The following CENPU variants were observed in gnomAD, a reference collection of about 807,000 sequenced individuals.
CENPU encodes centromere protein U.
A neutral mutation model predicts 56.7 loss-of-function variants in CENPU; 46 were observed. The ratio of observed to expected loss-of-function variants is 0.81; its 90% confidence interval spans 0.64 to 1.04. The LOEUF (loss-of-function observed/expected upper bound fraction) is 1.04. Ranked by LOEUF, CENPU falls within the 50% of genes least tolerant of loss-of-function variation. The probability of loss-of-function intolerance (pLI) is 0.00; values close to 1 mark genes in which losing one functional copy is unlikely to be tolerated. For synonymous variants in CENPU, 166 were observed against 163.0 expected, an observed-to-expected ratio of 1.02 and a Z score of -0.14; for missense variants, 510 against 490.1, an observed-to-expected ratio of 1.04 and a Z score of -0.38.
At chr4:184,733,881 G>A (rs1227512275) in intron 1 of CENPU, 135 bp downstream of exon 1, 1 of 1,172,168 alleles carries the variant, frequency 8.5e-7, no homozygotes, top group African/African-American at 1.5e-5. Context: ...GGAAGCCGGG[G>A]ACCCGGGCGA....
rs564754625 is a variant in CENPU, at chr4:184,702,755, A to G, written c.798-314T>C. Among the ~76,000 whole-genome samples the G allele has an allele frequency of 7.9e-5, 12 of 152,166 alleles. 1 individual carries two copies. The South Asian group carries it at 2.5e-3, about 32-fold the overall frequency. On this transcript the variant is annotated intron_variant, in intron 8 of 12. Coordinates refer to ENST00000281453, the MANE Select transcript of CENPU (RefSeq NM_024629.4). ...TTCCCTCTAGGAGTCCCCAGTGTCT[A>G]TTGTTGCCATCTTTATGTCCATGTG...
chr4:184,697,538 T>C, intron 12 of CENPU, 109 bp downstream of exon 12: 2 of 981,028 alleles, frequency 2.0e-6, no homozygotes, highest in Admixed American at 5.3e-5. Flanking sequence ...GTGGACTCTG[T>C]AATTCTGTAT....
At position 184,724,904 on chromosome 4, in the gene CENPU, T is replaced by C. The variant is rs1761402295; in HGVS notation, c.320+53A>G. On this transcript the variant is annotated intron_variant, in intron 4 of 12. Transcript: ENST00000281453. ...TTATTAGCTTCTATCTTAAAGAGTT[T>C]CTCAGAAATCCCATTAACCATGAAT... is the stretch of plus-strand genomic sequence containing the variant. The C allele has an allele frequency of 4.2e-6, 5 of 1,176,788 alleles. No homozygotes were observed. The South Asian group carries it at 5.4e-5, about 13-fold the overall frequency. 72.9% of individuals were successfully genotyped at this position (1,176,788 alleles called of 1,614,324 possible).
At chr4:184,710,827 A>AGGG (rs1760896998) in intron 7 of CENPU, among the ~76,000 whole-genome samples, 2 of 152,154 alleles carry the variant, frequency 1.3e-5, no homozygotes, top group Non-Finnish European at 2.9e-5. Context: ...GGTGTTATCA[A>AGGG]TTTGCAAAGC....
chr4:184,717,033 C>A, intron 5 of CENPU, 103 bp downstream of exon 5: 2 of 723,714 alleles, frequency 2.8e-6, no homozygotes, highest in Non-Finnish European at 4.6e-6. Flanking sequence ...TATTTGCATC[C>A]AATCTAAAGA....
intron 11 of CENPU, among the ~76,000 whole-genome samples, chr4:184,698,581 G>A (rs1258101338): frequency 6.6e-6 from 1 of 152,084 alleles, no homozygotes; most frequent in Non-Finnish European, 1.5e-5. Flanking sequence ...CTCTCGAGTA[G>A]CTGGGATTAC....
chr4:184,706,423 C>A (rs766969190), intron 8 of CENPU, among the ~76,000 whole-genome samples: 1 of 152,186 alleles, frequency 6.6e-6, no homozygotes, highest in Non-Finnish European at 1.5e-5. Flanking sequence ...TCAATGGATT[C>A]TTTCAATCAC....
At chr4:184,727,100 A>G (rs1761483232) in intron 3 of CENPU, among the ~76,000 whole-genome samples, 1 of 140,076 alleles carries the variant, frequency 7.1e-6, no homozygotes. Context: ...TAGGTGACAG[A>G]GGAAGACTTC....
intron 7 of CENPU, among the ~76,000 whole-genome samples, chr4:184,711,148 C>T (rs1760910750): frequency 6.6e-6 from 1 of 152,176 alleles, no homozygotes; most frequent in South Asian, 2.1e-4. Flanking sequence ...ACCCACCATG[C>T]CCGGCCCCCA....
At chr4:184,717,310 T>C in intron 4 of CENPU, 114 bp from the exon 5 acceptor site, 2 of 765,406 alleles carry the variant, frequency 2.6e-6, no homozygotes, top group Non-Finnish European at 4.4e-6. Context: ...GGAAATATCC[T>C]ATTTGTCACA....
chr4:184,706,096 A>T (rs943759659), intron 8 of CENPU, among the ~76,000 whole-genome samples: 6 of 152,216 alleles, frequency 3.9e-5, no homozygotes, highest in African/African-American at 1.4e-4. Context: ...CATAATGGCA[A>T]ATTTTATGTT....
In CENPU at chr4:184,729,021, C is replaced by T; in HGVS notation, c.111G>A (p.Lys37=). The change falls in exon 3 of 13, where the codon AAG becomes AAA. Residue 37 remains lysine (K), a synonymous_variant. Coordinates refer to ENST00000281453, the MANE Select transcript of CENPU (RefSeq NM_024629.4). The part of the protein sequence containing the change: ...THSMKDKAGQ[K]CKPIDVFDFP... Reference sequence around the variant, plus strand: ...AGTCGAACACGTCAATAGGCTTGCACTTTTGACCAGCTTTCTAAAAGTGAA... The same window carrying T: ...AGTCGAACACGTCAATAGGCTTGCATTTTTGACCAGCTTTCTAAAAGTGAA... 1.9e-6 allele frequency: 3 copies of T among 1,613,088 alleles called. No individual in the cohort carries two copies. Among genetic ancestry groups the T allele is most frequent in the Non-Finnish European group, 2.5e-6 (3 of 1,179,484 alleles).
At position 184,694,969 on chromosome 4, in the gene CENPU, T is replaced by G. The variant is rs1760195109; in HGVS notation, c.*319A>C. ...TGGTGTAAATTCAGGAGAAATCGCC[T>G]TATTAATTAATCAAAATTATGTTCA... On this transcript the variant is annotated 3_prime_UTR_variant, in exon 13 of 13. Transcript: ENST00000281453. 8.8e-6 allele frequency: 5 copies of G among 566,270 alleles called. No individual in the cohort carries two copies. Among genetic ancestry groups the G allele is most frequent in the Admixed American group, 6.5e-5 (2 of 30,688 alleles). The allele number at this position is 566,270 out of a possible 1,614,324, so 35.1% of individuals were successfully genotyped here.
At chr4:184,712,134 A>AAAAAAG (rs1760946793) in intron 7 of CENPU, among the ~76,000 whole-genome samples, 1 of 151,876 alleles carries the variant, frequency 6.6e-6, no homozygotes, top group African/African-American at 2.4e-5. Context: ...AAAAAAAAAA[A>AAAAAAG]AAAAGTTCAC....
intron 6 of CENPU, among the ~76,000 whole-genome samples, chr4:184,715,790 TTAA>T (rs958498586): frequency 4.6e-5 from 7 of 152,200 alleles, no homozygotes; most frequent in Non-Finnish European, 7.3e-5. Context: ...TGTTGAATAC[TTAA>T]TAATAAGTAT....
intron 8 of CENPU, among the ~76,000 whole-genome samples, chr4:184,703,246 T>C (rs140716318): frequency 1.3e-3 from 198 of 152,368 alleles, no homozygotes; most frequent in African/African-American, 4.5e-3. Context: ...TGCTAACTGA[T>C]AGACCCAGCA....
intron 8 of CENPU, among the ~76,000 whole-genome samples, chr4:184,707,499 C>T (rs1760767486): frequency 1.3e-5 from 2 of 152,302 alleles, no homozygotes; most frequent in South Asian, 4.1e-4. Flanking sequence ...TCACCCTTCC[C>T]CAGCCAAACC....
At chr4:184,705,225 A>G (rs9631782) in intron 8 of CENPU, among the ~76,000 whole-genome samples, 27,096 of 152,172 alleles carry the variant, frequency 0.18, 2,713 homozygotes, top group African/African-American at 0.26. Flanking sequence ...TCCATACCAT[A>G]GAATGTTACC....
In CENPU at chr4:184,694,827, G is replaced by A. The variant is rs1347661913; in HGVS notation, c.*461C>T. The stretch of plus-strand genomic sequence containing the variant: ...GTCACCAGGCTATAATTTGCCTGAT[G>A]TCTGTGAGATTTGATAAATATATCA... On this transcript the variant is annotated 3_prime_UTR_variant, in exon 13 of 13. Transcript: ENST00000281453. 3.4e-6 allele frequency: 5 copies of A among 1,479,612 alleles called. No homozygotes were observed. The highest frequency in any genetic ancestry group is 2.4e-5 in the South Asian group (2 of 83,804). 91.7% of individuals were successfully genotyped at this position (1,479,612 alleles called of 1,614,324 possible). A position where few individuals can be genotyped will look rare whatever the true frequency, so the allele number is the denominator to read the frequency against.
Sources: allele counts gnomAD v4.1 joint callset (sites outside exome capture counted in the v4.1 genomes callset), GRCh38; gene constraint gnomAD v4.1.1; transcripts MANE v1.5; gene names NCBI Gene and HGNC (gene_info 2026-07-23, HGNC 2026-07-21).